The following RGS7 variants were observed in gnomAD, a reference collection of about 807,000 sequenced individuals.
RGS7 encodes regulator of G-protein signaling 7.
In RGS7, 27 loss-of-function variants were observed where a neutral mutation model predicts 81.1. The observed-to-expected ratio is 0.33, with a 90% CI of 0.25 to 0.46. RGS7 has a LOEUF of 0.46. Among genes scored for constraint, RGS7 ranks in the 20% least tolerant of loss-of-function variants. The pLI, the probability that RGS7 is intolerant of heterozygous loss-of-function variation, is 1.00. For missense variants in RGS7, 396 were observed against 607.4 expected (o/e 0.65, Z 3.66); for synonymous variants, 208 against 207.7 (o/e 1.00, Z -0.01).
At chr1:241,223,202 C>T (rs1239099287) in intron 2 of RGS7, among the ~76,000 whole-genome samples, 6 of 152,210 alleles carry the variant, frequency 3.9e-5, no homozygotes, top group Admixed American at 1.3e-4. Context: ...TCTCATTCAA[C>T]GTCTGCTATG....
In RGS7 at chr1:241,259,628, C is replaced by T. The variant is rs568283319; in HGVS notation, c.78+96071G>A. On this transcript the variant is annotated intron_variant, in intron 2 of 18. Transcript: ENST00000440928. ...TTGCGCCATCGCACTCCAGCCTGGA[C>T]AACAAGAGCGAAACTCCGTCTCAAA... 8.3e-4 allele frequency among the ~76,000 whole-genome samples: 69 copies of T among 83,042 alleles called. No individual in the cohort carries two copies. In the East Asian group the frequency reaches 0.02, roughly 24 times the overall value. 54.5% of individuals were successfully genotyped at this position (83,042 alleles called of 152,430 possible). A position where few individuals can be genotyped will look rare whatever the true frequency, so the allele number is the denominator to read the frequency against.
At chr1:241,261,152 C>T (rs957908594) in intron 2 of RGS7, among the ~76,000 whole-genome samples, 7 of 151,990 alleles carry the variant, frequency 4.6e-5, no homozygotes, top group Non-Finnish European at 8.8e-5. Flanking sequence ...AAGGCTTCTT[C>T]GAACCTCAAA....
intron 2 of RGS7, among the ~76,000 whole-genome samples, chr1:241,221,060 A>T: frequency 7.2e-6 from 1 of 138,556 alleles, no homozygotes; most frequent in South Asian, 2.6e-4. Context: ...AGAAAGAAAG[A>T]GAGAGAGAGA....
intron 14 of RGS7, among the ~76,000 whole-genome samples, chr1:240,809,898 A>T (rs960795046): frequency 1.6e-4 from 25 of 152,302 alleles, no homozygotes; most frequent in African/African-American, 6.0e-4. Flanking sequence ...TATATATAAG[A>T]TAATCTAATA....
At chr1:240,947,096 T>TTGGTGGACAACACACACATGCCCCC (rs1678759372) in intron 4 of RGS7, among the ~76,000 whole-genome samples, 1 of 152,224 alleles carries the variant, frequency 6.6e-6, no homozygotes, top group East Asian at 1.9e-4. Context: ...ATCAGTAATC[T>TTGGTGGACAACACACACATGCCCCC]TGGTGGACAA....
At chr1:241,232,743 C>T (rs1218197290) in intron 2 of RGS7, among the ~76,000 whole-genome samples, 3 of 151,294 alleles carry the variant, frequency 2.0e-5, no homozygotes, top group South Asian at 2.1e-4. Context: ...CACTGCAGAA[C>T]GACAGTCTTA....
chr1:241,109,912 T>C (rs61832557), intron 2 of RGS7, among the ~76,000 whole-genome samples: 22,668 of 151,864 alleles, frequency 0.15, 2,192 homozygotes, highest in African/African-American at 0.27. Context: ...GAGCCGAGAT[T>C]ATGCCACTGC....
intron 2 of RGS7, among the ~76,000 whole-genome samples, chr1:241,138,573 A>C (rs957697842): frequency 6.6e-6 from 1 of 152,204 alleles, no homozygotes; most frequent in African/African-American, 2.4e-5. Flanking sequence ...GTCTTGGTCC[A>C]GCTGTAGCAG....
intron 3 of RGS7, among the ~76,000 whole-genome samples, chr1:241,037,768 G>A (rs542923243): frequency 2.6e-5 from 4 of 151,112 alleles, no homozygotes; most frequent in Non-Finnish European, 4.4e-5. Flanking sequence ...TATGTACACC[G>A]TGGAACACTA....
intron 9 of RGS7, among the ~76,000 whole-genome samples, chr1:240,845,109 C>T (rs991219842): frequency 7.2e-5 from 11 of 152,178 alleles, no homozygotes; most frequent in Middle Eastern, 3.2e-3. Flanking sequence ...ACATCAGTTA[C>T]AAAATTAAAA....
At chr1:241,087,984 A>C (rs1180365394) in intron 3 of RGS7, among the ~76,000 whole-genome samples, 2 of 96,944 alleles carry the variant, frequency 2.1e-5, no homozygotes, top group African/African-American at 8.6e-5. Flanking sequence ...CTCTATATAT[A>C]TATATATATA....
At chr1:241,306,128 T>TCTCA (rs111855784) in intron 2 of RGS7, among the ~76,000 whole-genome samples, 2 of 149,672 alleles carry the variant, frequency 1.3e-5, no homozygotes, top group African/African-American at 4.9e-5. Context: ...CATCTCTTTT[T>TCTCA]CACACACACA....
intron 9 of RGS7, among the ~76,000 whole-genome samples, chr1:240,855,439 CT>C (rs568146649): frequency 4.2e-5 from 6 of 144,186 alleles, no homozygotes; most frequent in East Asian, 2.2e-4. Flanking sequence ...TTGTTTCTTC[CT>C]TTTTTTTTGA....
intron 3 of RGS7, among the ~76,000 whole-genome samples, chr1:241,069,777 T>C (rs763394950): frequency 4.6e-5 from 7 of 152,172 alleles, no homozygotes; most frequent in African/African-American, 7.2e-5. Flanking sequence ...CCGCTGTTGA[T>C]TGGAACAGGA....
intron 2 of RGS7, among the ~76,000 whole-genome samples, chr1:241,141,082 C>T (rs747617061): frequency 1.3e-5 from 2 of 152,192 alleles, no homozygotes; most frequent in Non-Finnish European, 2.9e-5. Flanking sequence ...CTCTCCCTAA[C>T]CCAGAGGAGT....
chr1:241,261,529 T>A (rs1035664093), intron 2 of RGS7, among the ~76,000 whole-genome samples: 1 of 149,838 alleles, frequency 6.7e-6, no homozygotes, highest in East Asian at 2.0e-4. Context: ...CTCGGGAGGC[T>A]GAGGCAGGGG....
At chr1:240,800,843 T>C (rs1429593970) in intron 17 of RGS7, 122 bp from the exon 18 acceptor site, 5 of 471,006 alleles carry the variant, frequency 1.1e-5, no homozygotes, top group African/African-American at 6.1e-5. Flanking sequence ...TCAAAACACA[T>C]GGCAAGATAC....
chr1:241,117,128 C>T (rs552258541), intron 2 of RGS7, among the ~76,000 whole-genome samples: 15 of 152,226 alleles, frequency 9.9e-5, no homozygotes, highest in African/African-American at 3.6e-4. Flanking sequence ...TGCATGTCAG[C>T]TTTCTTTTCA....
intron 4 of RGS7, among the ~76,000 whole-genome samples, chr1:240,938,945 T>C (rs1441386239): frequency 6.6e-6 from 1 of 152,152 alleles, no homozygotes; most frequent in African/African-American, 2.4e-5. Context: ...GTTAAAACTT[T>C]AGTGCCAGGG....
Sources: gnomAD v4.1 joint callset for allele counts (sites outside exome capture counted in the v4.1 genomes callset) on GRCh38, gnomAD v4.1.1 for gene constraint, MANE v1.5 for transcripts, NCBI Gene and HGNC (gene_info 2026-07-23, HGNC 2026-07-21) for gene names.